Variants in XPA observed in about 807,000 individuals in gnomAD.
The protein encoded by XPA is DNA repair protein complementing XP-A cells.
In XPA, 27 loss-of-function variants were observed where a neutral mutation model predicts 35.7. That is an observed-to-expected ratio of 0.76 (90% CI 0.56 to 1.04). XPA has a LOEUF of 1.04. XPA is among the 50% of genes least tolerant of loss of function. XPA has a pLI of 0.00. For missense variants in XPA, 354 were observed against 342.7 expected, an observed-to-expected ratio of 1.03 and a Z score of -0.26; for synonymous variants, 133 against 118.4, an observed-to-expected ratio of 1.12 and a Z score of -0.80.
At chr9:97,660,219 C>T in the XPA span, among the ~76,000 whole-genome samples, 1 of 152,110 alleles carries the variant, frequency 6.6e-6, no homozygotes, top group Non-Finnish European at 1.5e-5. Context: ...TTGTAATTTA[C>T]TTTATTCATT....
At chr9:97,685,891 CTT>C (rs1406733245) in intron 4 of XPA, among the ~76,000 whole-genome samples, 1 of 152,186 alleles carries the variant, frequency 6.6e-6, no homozygotes, top group East Asian at 1.9e-4. Context: ...CTTCATAAGT[CTT>C]TTGCACTTGC....
chr9:97,666,158 A>G, the XPA span, among the ~76,000 whole-genome samples: 10 of 152,326 alleles, frequency 6.6e-5, no homozygotes, highest in Non-Finnish European at 1.3e-4. Flanking sequence ...TTACTTTTTA[A>G]AAGAAAAACA....
chr9:97,660,755 A>T, the XPA span, among the ~76,000 whole-genome samples: 2 of 152,190 alleles, frequency 1.3e-5, no homozygotes, highest in Non-Finnish European at 2.9e-5. Flanking sequence ...TTTAGGTGAA[A>T]AACCATTAAC....
rs769468872 is a variant in XPA at position 97,675,545 on chromosome 9, G to A, written c.716C>T (p.Thr239Met). The A allele has an allele frequency of 9.3e-6, 15 of 1,613,578 alleles. No individual in the cohort carries two copies. Among genetic ancestry groups the A allele is most frequent in the Non-Finnish European group, 1.2e-5 (14 of 1,179,874 alleles). ...TCCATACTCATGTTGATGAACAATC[G>A]TCTCCCTTTTCCACACGCTGCTTCT... The part of the protein sequence containing the change: ...AVRSSVWKRE[T>M]IVHQHEYGPE... The change falls in exon 6 of 6, where the codon ACG becomes ATG. Residue 239 changes from threonine (T) to methionine (M), a missense_variant. Thr to Met is a moderately conservative substitution (Grantham distance 81, BLOSUM62 -1). Transcript: ENST00000375128.
chr9:97,669,646 C>CAGTG, the XPA span: 1 of 1,613,270 alleles, frequency 6.2e-7, no homozygotes. Context: ...CTGATGGGAC[C>CAGTG]AGTGTATTAA....
chr9:97,675,902 C>A, intron 5 of XPA: 1 of 363,010 alleles, frequency 2.8e-6, no homozygotes, highest in Non-Finnish European at 5.1e-6. Flanking sequence ...CACAATAGGA[C>A]ACATTCAGGT....
Position 97,674,917 on chromosome 9 carries a change from G to T in XPA, c.*522C>A, listed in dbSNP as rs764697774. 2.0e-6 allele frequency: 1 copy of T among 508,108 alleles called. No homozygotes were observed. Among genetic ancestry groups the T allele is most frequent in the Non-Finnish European group, 3.9e-6 (1 of 259,618 alleles). 31.5% of individuals were successfully genotyped at this position (508,108 alleles called of 1,614,324 possible). ...GAGTACAGAAAACATGATCAGACTC[G>T]TACAACTCAATGTTTATTTCTGCTA... On this transcript the variant is annotated 3_prime_UTR_variant, in exon 6 of 6. Transcript: ENST00000375128.
the XPA span, chr9:97,655,984 A>G: frequency 6.3e-7 from 1 of 1,592,260 alleles, no homozygotes; most frequent in East Asian, 2.2e-5. Context: ...ATATGTAAGC[A>G]TTGATAAAAC....
chr9:97,660,567 AAG>A, the XPA span, among the ~76,000 whole-genome samples: 1 of 152,202 alleles, frequency 6.6e-6, no homozygotes, highest in Non-Finnish European at 1.5e-5. Context: ...GGCAAAATGA[AAG>A]AGAAGTACGT....
chr9:97,675,667 G>A, intron 5 of XPA, 80 bp from the exon 6 acceptor site: 5 of 1,534,266 alleles, frequency 3.3e-6, no homozygotes, highest in South Asian at 2.2e-5. Context: ...CAAGCTTTCA[G>A]CCATGTACAT....
At chr9:97,663,919 C>A in the XPA span, among the ~76,000 whole-genome samples, 1 of 151,828 alleles carries the variant, frequency 6.6e-6, no homozygotes, top group Non-Finnish European at 1.5e-5. Context: ...TGGCTCTTAC[C>A]TGTAATCCTA....
intron 4 of XPA, 100 bp downstream of exon 4, chr9:97,686,996 G>GT: frequency 8.2e-7 from 1 of 1,219,094 alleles, no homozygotes; most frequent in Non-Finnish European, 1.2e-6. Context: ...AGGGAAAAGA[G>GT]TTTTTCCACA....
Position 97,675,324 on chromosome 9 carries a change from G to T in XPA, c.*115C>A. ...TATTACTGAAGTATTACTTATACAA[G>T]GGTTTCATTCATCTATGAAGATGTT... is the stretch of plus-strand genomic sequence containing the variant. On this transcript the variant is annotated 3_prime_UTR_variant, in exon 6 of 6. Coordinates refer to ENST00000375128, the MANE Select transcript of XPA (RefSeq NM_000380.4). 1 of 1,130,598 alleles carries T rather than the reference G, an allele frequency of 8.8e-7. No individual in the cohort carries two copies. Among genetic ancestry groups the T allele is most frequent in the Non-Finnish European group, 1.3e-6 (1 of 793,880 alleles). The allele number at this position is 1,130,598 out of a possible 1,614,324, so 70.0% of individuals were successfully genotyped here.
At chr9:97,692,012 G>A (rs1828907361) in intron 2 of XPA, among the ~76,000 whole-genome samples, 1 of 151,718 alleles carries the variant, frequency 6.6e-6, no homozygotes, top group Non-Finnish European at 1.5e-5. Flanking sequence ...GGAGTTGTCG[G>A]CCAGGTGCAG....
chr9:97,683,423 T>C (rs1828606837), intron 5 of XPA, among the ~76,000 whole-genome samples: 1 of 152,212 alleles, frequency 6.6e-6, no homozygotes, highest in African/African-American at 2.4e-5. Flanking sequence ...AATGCTCTTA[T>C]ATGGCACAGC....
chr9:97,689,467 A>AT, intron 3 of XPA, 67 bp downstream of exon 3: 4 of 944,070 alleles, frequency 4.2e-6, no homozygotes, highest in Non-Finnish European at 6.9e-6. Flanking sequence ...CCAAACAGAT[A>AT]TAACTTGTTT....
At chr9:97,663,886 C>T in the XPA span, among the ~76,000 whole-genome samples, 1 of 151,800 alleles carries the variant, frequency 6.6e-6, no homozygotes, top group African/African-American at 2.4e-5. Flanking sequence ...AATCTTAAGA[C>T]CTAATGATCA....
At chr9:97,660,044 G>T in the XPA span, among the ~76,000 whole-genome samples, 14,815 of 152,090 alleles carry the variant, frequency 0.097, 1,975 homozygotes, top group African/African-American at 0.29. Context: ...TTTTTTAACC[G>T]TTAGCAAGCC....
the XPA span, among the ~76,000 whole-genome samples, chr9:97,658,337 T>C: frequency 1.3e-5 from 2 of 152,202 alleles, 1 homozygote; most frequent in East Asian, 3.8e-4. Flanking sequence ...TTTGATAGAA[T>C]ATAGCCAGTT....
Sources: allele counts gnomAD v4.1 joint callset (sites outside exome capture counted in the v4.1 genomes callset), GRCh38; gene constraint gnomAD v4.1.1; transcripts MANE v1.5; gene names NCBI Gene and HGNC (gene_info 2026-07-23, HGNC 2026-07-21).